The following ZNF385D variants were observed in gnomAD, a reference collection of about 807,000 sequenced individuals.
ZNF385D encodes zinc finger protein 385D, also known as zinc finger protein 659.
A neutral mutation model predicts 35.8 loss-of-function variants in ZNF385D; 15 were observed. The observed-to-expected ratio is 0.42, with a 90% CI of 0.28 to 0.64. The LOEUF is 0.64. Among genes scored for constraint, ZNF385D ranks in the 30% least tolerant of loss-of-function variants. The pLI is 0.23. For missense variants in ZNF385D, 474 were observed against 494.6 expected (o/e 0.96, Z 0.39); for synonymous variants, 212 against 186.8 (o/e 1.13, Z -1.10).
intron 3 of ZNF385D, among the ~76,000 whole-genome samples, chr3:21,527,759 T>TA (rs11426180): frequency 0.51 from 76,335 of 149,344 alleles, 19,477 homozygotes; most frequent in East Asian, 0.71. Context: ...AAAACTATGT[T>TA]AAAAAAAAAA....
At chr3:21,895,592 C>T (rs1453293717) in intron 3 of ZNF385D, among the ~76,000 whole-genome samples, 9 of 150,904 alleles carry the variant, frequency 6.0e-5, no homozygotes, top group East Asian at 2.0e-4. Flanking sequence ...CTGCCCACCT[C>T]GGCCTCCCAA....
At chr3:22,163,405 C>A (rs1706099790) in intron 3 of ZNF385D, among the ~76,000 whole-genome samples, 1 of 152,160 alleles carries the variant, frequency 6.6e-6, no homozygotes, top group South Asian at 2.1e-4. Flanking sequence ...TTATATACAT[C>A]AGATAGCTTT....
chr3:22,364,952 A>G (rs919581582), intron 2 of ZNF385D, among the ~76,000 whole-genome samples: 1 of 151,694 alleles, frequency 6.6e-6, no homozygotes, highest in African/African-American at 2.4e-5. Context: ...ATGTTACAAC[A>G]TGGATGAAAT....
chr3:22,283,896 T>C (rs990889752), intron 2 of ZNF385D, among the ~76,000 whole-genome samples: 7 of 152,170 alleles, frequency 4.6e-5, no homozygotes, highest in Admixed American at 4.6e-4. Flanking sequence ...TAGTGACATC[T>C]GACCCTCAAG....
In ZNF385D at chr3:21,824,428, T is replaced by A. The variant is rs79901055; in HGVS notation, c.326-159400A>T. Among the ~76,000 whole-genome samples the A allele has an allele frequency of 3.9e-3, 562 of 143,314 alleles. 1 individual carries two copies. Among genetic ancestry groups the A allele is most frequent in the African/African-American group, 0.014 (540 of 38,256 alleles). The allele number at this position is 143,314 out of a possible 152,430, so 94.0% of individuals were successfully genotyped here. A position where few individuals can be genotyped will look rare whatever the true frequency, so the allele number is the denominator to read the frequency against. ...TCTCAAAATAATAAAAAACAAAATC[T>A]TCTTCTTTAAAAGGTCTCTCCCTTT... On this transcript the variant is annotated intron_variant, in intron 3 of 5. Transcript: ENST00000494108.
chr3:22,321,993 A>T (rs1280166897), intron 2 of ZNF385D, among the ~76,000 whole-genome samples: 1 of 152,158 alleles, frequency 6.6e-6, no homozygotes, highest in Admixed American at 6.5e-5. Flanking sequence ...AATTTCAATA[A>T]AATGAGTTCT....
chr3:21,679,097 G>C (rs894665227), intron 1 of ZNF385D, among the ~76,000 whole-genome samples: 1 of 149,408 alleles, frequency 6.7e-6, no homozygotes, highest in Non-Finnish European at 1.5e-5. Context: ...GGCAGGCTTT[G>C]TCATCAGAAA....
chr3:21,425,783 G>A, intron 5 of ZNF385D, 113 bp from the exon 6 acceptor site: 1 of 929,098 alleles, frequency 1.1e-6, no homozygotes, highest in South Asian at 3.1e-5. Flanking sequence ...TTAAGAAACA[G>A]TACAATAACA....
intron 3 of ZNF385D, among the ~76,000 whole-genome samples, chr3:21,843,382 T>G (rs890094260): frequency 4.6e-5 from 7 of 151,928 alleles, no homozygotes; most frequent in Admixed American, 1.3e-4. Context: ...TCCTGACCAT[T>G]TGAATTATCC....
chr3:21,917,567 T>C (rs1700250565), intron 3 of ZNF385D, among the ~76,000 whole-genome samples: 1 of 152,230 alleles, frequency 6.6e-6, no homozygotes, highest in Non-Finnish European at 1.5e-5. Context: ...GAAAAGATTG[T>C]TCTTTAAGAG....
At chr3:21,457,952 G>A (rs1045400245) in intron 4 of ZNF385D, among the ~76,000 whole-genome samples, 1 of 152,068 alleles carries the variant, frequency 6.6e-6, no homozygotes, top group Non-Finnish European at 1.5e-5. Context: ...TCAAGCCCTT[G>A]TTTTATCATT....
chr3:22,312,619 A>C (rs1703629261), intron 2 of ZNF385D, among the ~76,000 whole-genome samples: 1 of 152,218 alleles, frequency 6.6e-6, no homozygotes, highest in Non-Finnish European at 1.5e-5. Flanking sequence ...TCTCAAAAGA[A>C]GACATTTACG....
intron 4 of ZNF385D, among the ~76,000 whole-genome samples, chr3:21,484,729 T>C (rs914106964): frequency 7.9e-5 from 12 of 152,044 alleles, no homozygotes; most frequent in African/African-American, 2.9e-4. Flanking sequence ...AGAGGTGTGG[T>C]AGGTTTGAGA....
intron 1 of ZNF385D, among the ~76,000 whole-genome samples, chr3:21,714,508 A>G (rs1192664960): frequency 6.6e-6 from 1 of 152,164 alleles, no homozygotes; most frequent in African/African-American, 2.4e-5. Flanking sequence ...TTTATGGATG[A>G]ACAATATTCC....
At chr3:21,761,961 C>T (rs1169802434) in intron 3 of ZNF385D, among the ~76,000 whole-genome samples, 2 of 137,372 alleles carry the variant, frequency 1.5e-5, no homozygotes, top group African/African-American at 5.4e-5. Flanking sequence ...TCACTGCAAC[C>T]TCTGACTTCC....
chr3:22,262,509 T>C (rs538166976), intron 2 of ZNF385D, among the ~76,000 whole-genome samples: 1 of 151,992 alleles, frequency 6.6e-6, no homozygotes, highest in South Asian at 2.1e-4. Context: ...TAGGGACATG[T>C]ATTTTCAATT....
intron 4 of ZNF385D, among the ~76,000 whole-genome samples, chr3:21,448,824 C>T (rs1702292227): frequency 6.6e-6 from 1 of 150,506 alleles, no homozygotes; most frequent in South Asian, 2.1e-4. Context: ...CATTAGCTAT[C>T]ACACAGCTCC....
At chr3:21,823,521 A>G (rs1182742090) in intron 3 of ZNF385D, among the ~76,000 whole-genome samples, 1 of 152,130 alleles carries the variant, frequency 6.6e-6, no homozygotes, top group Non-Finnish European at 1.5e-5. Flanking sequence ...GTTTTAATTC[A>G]CTTCTCTTTT....
At chr3:22,264,929 T>C (rs1355445892) in intron 2 of ZNF385D, among the ~76,000 whole-genome samples, 2 of 151,974 alleles carry the variant, frequency 1.3e-5, no homozygotes, top group African/African-American at 4.8e-5. Flanking sequence ...CCCTCTAATC[T>C]GGGTTCTGTA....
Sources: allele counts gnomAD v4.1 joint callset (sites outside exome capture counted in the v4.1 genomes callset), GRCh38; gene constraint gnomAD v4.1.1; transcripts MANE v1.5; gene names NCBI Gene and HGNC (gene_info 2026-07-23, HGNC 2026-07-21).